The following SMYD2 variants were observed in gnomAD, a reference collection of about 807,000 sequenced individuals.
SMYD2 encodes the protein SET and MYND domain containing 2, also known as N-lysine methyltransferase SMYD2.
Under a neutral mutation model 59.1 loss-of-function variants are expected in SMYD2, and 53 were observed. That is an observed-to-expected ratio of 0.90 (90% CI 0.72 to 1.13). SMYD2 has a LOEUF of 1.13. SMYD2 is among the 50% of genes most tolerant of loss of function. The probability of loss-of-function intolerance (pLI) is 0.00; values close to 1 mark genes in which losing one functional copy is unlikely to be tolerated. For missense variants in SMYD2, 494 were observed against 544.7 expected (o/e 0.91, Z 0.93); for synonymous variants, 208 against 198.8 (o/e 1.05, Z -0.39).
rs563924825 is a variant in SMYD2, at chr1:214,285,588, A to G, written c.173+4161A>G. Among the ~76,000 whole-genome samples the G allele has an allele frequency of 2.6e-5, 4 of 152,366 alleles. No homozygotes were observed. The East Asian group carries it at 7.7e-4, about 29-fold the overall frequency. On this transcript the variant is annotated intron_variant, in intron 1 of 11. Transcript: ENST00000366957. ...GGTAAGACTAAAACATACATACAACAGATTTCCTGTAAAAAGTGCCATTAA... is the reference window on the plus strand; with the variant it reads ...GGTAAGACTAAAACATACATACAACGGATTTCCTGTAAAAAGTGCCATTAA...
In SMYD2 at chr1:214,283,184, C is replaced by T. The variant is rs902203344; in HGVS notation, c.173+1757C>T. ...TTAAGTCTCCTAATTGTATCTACTA[C>T]GCATACCCCCAACCTTAGAACATTA... On this transcript the variant is annotated intron_variant, in intron 1 of 11. Transcript: ENST00000366957. Among the ~76,000 whole-genome samples, 12 of 152,316 alleles carry T rather than the reference C, an allele frequency of 7.9e-5. No homozygotes were observed. The South Asian group carries it at 1.0e-3, about 13-fold the overall frequency.
rs1280349293 is a variant in SMYD2 at position 214,334,261 on chromosome 1, T to C, written c.1174T>C (p.Tyr392His). The C allele has an allele frequency of 1.2e-6, 2 of 1,613,934 alleles. No homozygotes were observed. The highest frequency in any genetic ancestry group is 1.7e-6 in the Non-Finnish European group (2 of 1,180,044). Residue 392 changes from tyrosine (Y) to histidine (H), a missense_variant, in exon 11 of 12, where the codon TAC (tyrosine) becomes CAC (histidine). Physicochemically the swap from Tyr to His is moderately conservative, Grantham distance 83. Transcript: ENST00000366957. ...CATGTGGTTGAAGCTAGGGAGACTC[T>C]ACATGGGCCTGGAACACAAAGCCGC... is the stretch of plus-strand genomic sequence containing the variant. ...ASMWLKLGRL[Y>H]MGLEHKAAGE...
rs56410935 is a variant in SMYD2, at chr1:214,292,089, TGA to T, written c.173+10693_173+10694del. Among the ~76,000 whole-genome samples the T allele has an allele frequency of 7.8e-3, 1,140 of 145,922 alleles. 5 individuals carry two copies. Among genetic ancestry groups the T allele is most frequent in the Middle Eastern group, 0.043 (12 of 282 alleles). ...CTCAGCTACTAAATATTTTCTAGGG[TGA>T]GAGAGAGAGAGAGAGAGAGAGAGAG... On this transcript the variant is annotated intron_variant, in intron 1 of 11. Coordinates refer to ENST00000366957, the MANE Select transcript of SMYD2 (RefSeq NM_020197.3).
rs762435521 is a variant in SMYD2 at position 214,318,096 on chromosome 1, A to G, written c.366A>G (p.Arg122=). ...ILAKQKIHPE[R]TPSEKLLAVK... is the part of the protein sequence containing the mutation. ...ATTGCTAGAAAATCCACCCAGAGAG[A>G]ACACCTTCGGAAAAATTGTTAGCTG... Residue 122 remains arginine, a synonymous_variant, in exon 4 of 12, where the codon AGA becomes AGG. Transcript: ENST00000366957. The surrounding 1 kb of genome is among the most constrained non-coding windows in gnomAD (Gnocchi z 5.4). 2 of 1,614,000 alleles carry G rather than the reference A, an allele frequency of 1.2e-6. No homozygotes were observed. Among genetic ancestry groups the G allele is most frequent in the Admixed American group, 3.3e-5 (2 of 59,972 alleles).
rs563230820 is a variant in SMYD2, at chr1:214,297,135, G to A, written c.174-8052G>A. ...AGGCCTGTGGCTCCGCATTCTAGAA[G>A]CACACTGGAATCTCCTGGGAGCTTT... On this transcript the variant is annotated intron_variant, in intron 1 of 11. Coordinates refer to ENST00000366957, the MANE Select transcript of SMYD2 (RefSeq NM_020197.3). 4.6e-5 allele frequency among the ~76,000 whole-genome samples: 7 copies of A among 152,256 alleles called. No homozygotes were observed. The South Asian group carries it at 6.2e-4, about 14-fold the overall frequency.
Position 214,281,261 on chromosome 1 carries a change from G to C in SMYD2, c.7G>C (p.Ala3Pro), listed in dbSNP as rs1298807803. Reference sequence around the variant, plus strand: ...GCCGCGCCCCGCCGCCACCATGAGGGCCGAGGGCCTCGGCGGCCTGGAGCG... The same window carrying C: ...GCCGCGCCCCGCCGCCACCATGAGGCCCGAGGGCCTCGGCGGCCTGGAGCG... MR[A>P]EGLGGLERFC... Residue 3 changes from alanine (A) to proline (P), a missense_variant, in exon 1 of 12, where the codon GCC becomes CCC. By Grantham distance (27) the Ala-to-Pro change is conservative (BLOSUM62 -1). Transcript: ENST00000366957. 8.0e-7 allele frequency: 1 copy of C among 1,256,598 alleles called. No homozygotes were observed. Among genetic ancestry groups the C allele is most frequent in the African/African-American group, 1.6e-5 (1 of 64,188 alleles). The allele number at this position is 1,256,598 out of a possible 1,614,324, so 77.8% of individuals were successfully genotyped here.
chr1:214,289,624 C>T (rs778997899), intron 1 of SMYD2, among the ~76,000 whole-genome samples: 5 of 152,214 alleles, frequency 3.3e-5, no homozygotes, highest in African/African-American at 7.2e-5. Flanking sequence ...GGTTTGGTTA[C>T]GTATCTTTGA....
In SMYD2 at chr1:214,332,152, G is replaced by C. The variant is rs751122379; in HGVS notation, c.1072G>C (p.Gly358Arg). 3.1e-6 allele frequency: 5 copies of C among 1,614,088 alleles called. No homozygotes were observed. Among genetic ancestry groups the C allele is most frequent in the Non-Finnish European group, 4.2e-6 (5 of 1,180,042 alleles). Residue 358 changes from glycine (G) to arginine (R), a missense_variant, in exon 10 of 12, where the codon GGA (glycine) becomes CGA (arginine). Coordinates refer to ENST00000366957, the MANE Select transcript of SMYD2 (RefSeq NM_020197.3). ...CTGCTTGTACATGCAGGACTGGGAA[G>C]GAGCCCTGCAATATGGACAGAAAAT... ...GVCLYMQDWE[G>R]ALQYGQKIIK...
intron 10 of SMYD2, 50 bp downstream of exon 10, chr1:214,332,242 T>C (rs751018224): frequency 3.8e-6 from 6 of 1,597,524 alleles, no homozygotes; most frequent in Non-Finnish European, 4.3e-6. Flanking sequence ...TTTGGTTGTT[T>C]AGAATGTATA....
At chr1:214,314,700 C>G in intron 2 of SMYD2, 62 bp from the exon 3 acceptor site, 1 of 1,292,740 alleles carries the variant, frequency 7.7e-7, no homozygotes, top group South Asian at 1.2e-5. Context: ...GCATCCTCTC[C>G]TCTCACACTT....
intron 1 of SMYD2, among the ~76,000 whole-genome samples, chr1:214,292,089 TGAGAGAGAGAGA>T (rs56410935): frequency 4.8e-5 from 7 of 145,880 alleles, no homozygotes; most frequent in South Asian, 2.2e-4. Context: ...TTTTCTAGGG[TGAGAGAGAGAGA>T]GAGAGAGAGA....
chr1:214,291,840 G>A (rs1032393889), intron 1 of SMYD2, among the ~76,000 whole-genome samples: 3 of 151,948 alleles, frequency 2.0e-5, no homozygotes, highest in African/African-American at 7.3e-5. Context: ...CAGCAGCTCT[G>A]GGTAGATATA....
intron 3 of SMYD2, among the ~76,000 whole-genome samples, chr1:214,316,836 T>C (rs1394646556): frequency 6.6e-6 from 1 of 152,118 alleles, no homozygotes; most frequent in African/African-American, 2.4e-5. Context: ...AACTTTCGGA[T>C]CCTTAATAAC....
chr1:214,336,449 G>A (rs924744505), intron 11 of SMYD2, among the ~76,000 whole-genome samples: 2 of 152,220 alleles, frequency 1.3e-5, no homozygotes, highest in Non-Finnish European at 1.5e-5. Context: ...GGAGAATGGC[G>A]TGAACCCGGG....
chr1:214,331,322 G>A, intron 9 of SMYD2: 1 of 441,936 alleles, frequency 2.3e-6, no homozygotes, highest in Non-Finnish European at 4.1e-6. Context: ...GACCATGAAG[G>A]ACAGAGCCTT....
intron 1 of SMYD2, among the ~76,000 whole-genome samples, chr1:214,284,159 G>A (rs1303142824): frequency 6.6e-6 from 1 of 150,384 alleles, no homozygotes; most frequent in Non-Finnish European, 1.5e-5. Context: ...CTTGGAAGCT[G>A]TCCCTATCAG....
At chr1:214,331,662 G>A (rs1264292159) in intron 9 of SMYD2, 1 of 207,882 alleles carries the variant, frequency 4.8e-6, no homozygotes, top group African/African-American at 2.3e-5. Context: ...AAGGCACATT[G>A]TTTCTCAGCA....
At chr1:214,291,443 C>T (rs1309087909) in intron 1 of SMYD2, among the ~76,000 whole-genome samples, 3 of 152,170 alleles carry the variant, frequency 2.0e-5, no homozygotes, top group Non-Finnish European at 4.4e-5. Flanking sequence ...GGAAGGGCCT[C>T]AGAAGCGAAG....
intron 5 of SMYD2, among the ~76,000 whole-genome samples, chr1:214,322,519 T>C (rs964425366): frequency 2.6e-5 from 4 of 152,242 alleles, no homozygotes; most frequent in African/African-American, 9.6e-5. Context: ...TTCTGCTTTT[T>C]GTGTTGAATT....
Sources: gnomAD v4.1 joint callset for allele counts (sites outside exome capture counted in the v4.1 genomes callset) on GRCh38, gnomAD v4.1.1 for gene constraint, Gnocchi (gnomAD v3.1) non-coding constraint, MANE v1.5 for transcripts, NCBI Gene and HGNC (gene_info 2026-07-23, HGNC 2026-07-21) for gene names.